The following ERC1 variants were observed in gnomAD, a reference collection of about 807,000 sequenced individuals.
ERC1 encodes RAB6 interacting protein 2.
In ERC1, 56 loss-of-function variants were observed where a neutral mutation model predicts 132.0. That is an observed-to-expected ratio of 0.42 (90% CI 0.34 to 0.53). The LOEUF (loss-of-function observed/expected upper bound fraction) is 0.53, where lower values mean the gene tolerates loss of function less well. ERC1 is among the 20% of genes least tolerant of loss of function. The pLI, the probability that ERC1 is intolerant of heterozygous loss-of-function variation, is 0.03. For synonymous variants in ERC1, 478 were observed against 476.1 expected, an observed-to-expected ratio of 1.00 and a Z score of -0.05; for missense variants, 1,202 against 1,349.9, an observed-to-expected ratio of 0.89 and a Z score of 1.72.
chr12:1,163,537 T>G (rs1281120764), intron 8 of ERC1, among the ~76,000 whole-genome samples: 1 of 152,172 alleles, frequency 6.6e-6, no homozygotes, highest in African/African-American at 2.4e-5. Flanking sequence ...TTATTTTGCT[T>G]ATTTATTTGT....
chr12:1,057,685 TC>T (rs1973249483), intron 2 of ERC1, among the ~76,000 whole-genome samples: 1 of 141,898 alleles, frequency 7.0e-6, no homozygotes, highest in African/African-American at 2.6e-5. Flanking sequence ...AACCTCTGCT[TC>T]CCGGGTTCAA....
In ERC1 at chr12:1,083,259, C is replaced by G. The variant is rs777654403; in HGVS notation, c.765C>G (p.Gly255=). The G allele has an allele frequency of 6.2e-7, 1 of 1,614,136 alleles. No homozygotes were observed. The highest frequency in any genetic ancestry group is 8.5e-7 in the Non-Finnish European group (1 of 1,180,008). ...AGCAGGATAGTAGCAGCAGGACTGG[C>G]GAACCTTGTGTAGCAGAGCTGACAG... is the stretch of plus-strand genomic sequence containing the variant. ...LFQQDSSSRT[G]EPCVAELTEE... is the part of the protein sequence containing the mutation. Residue 255 remains glycine, a synonymous_variant, in exon 3 of 19, where the codon GGC becomes GGG. Coordinates refer to ENST00000360905, the MANE Select transcript of ERC1 (RefSeq NM_178040.4).
chr12:1,222,670 TTTGA>T (rs1290738091), intron 12 of ERC1, among the ~76,000 whole-genome samples: 1 of 152,212 alleles, frequency 6.6e-6, no homozygotes, highest in Non-Finnish European at 1.5e-5. Flanking sequence ...CTTAGTGAAA[TTTGA>T]TTGATAATAT....
intron 12 of ERC1, among the ~76,000 whole-genome samples, chr12:1,215,828 T>C (rs1415380973): frequency 6.6e-6 from 1 of 152,186 alleles, no homozygotes; most frequent in Admixed American, 6.5e-5. Context: ...ATTAAAAATA[T>C]AGGTTATTGT....
At chr12:1,459,554 G>A (rs928909322) in intron 18 of ERC1, among the ~76,000 whole-genome samples, 2 of 152,194 alleles carry the variant, frequency 1.3e-5, no homozygotes, top group Non-Finnish European at 2.9e-5. Flanking sequence ...TAATGTAGAC[G>A]GAATTATGGA....
intron 12 of ERC1, among the ~76,000 whole-genome samples, chr12:1,211,182 C>G (rs11061666): frequency 6.6e-6 from 1 of 152,112 alleles, no homozygotes; most frequent in Non-Finnish European, 1.5e-5. Context: ...GAGTTTCGCT[C>G]TTATTGCCCA....
chr12:1,065,643 T>G (rs1442653723), intron 2 of ERC1, among the ~76,000 whole-genome samples: 2 of 151,984 alleles, frequency 1.3e-5, no homozygotes, highest in Non-Finnish European at 2.9e-5. Context: ...GAGTTTCTTT[T>G]GAGGTGTTGT....
Position 1,183,428 on chromosome 12 carries a change from GA to G in ERC1, c.2157+13del, listed in dbSNP as rs776699164. 2.6e-6 allele frequency: 4 copies of G among 1,548,920 alleles called. No homozygotes were observed. In the African/African-American group the frequency reaches 5.4e-5, roughly 21 times the overall value. Reference sequence around the variant, plus strand: ...GGAATCACAATTGAAAAAGGTTAAAGAAAAAATTTCACATTTTTTTGCTTTG... The same window carrying G: ...GGAATCACAATTGAAAAAGGTTAAAGAAAAATTTCACATTTTTTTGCTTTG... On this transcript the variant is annotated splice_region_variant and intron_variant, in intron 11 of 18. Coordinates refer to ENST00000360905, the MANE Select transcript of ERC1 (RefSeq NM_178040.4).
At chr12:1,253,748 G>A (rs2076611202) in intron 13 of ERC1, among the ~76,000 whole-genome samples, 1 of 152,136 alleles carries the variant, frequency 6.6e-6, no homozygotes, top group South Asian at 2.1e-4. Flanking sequence ...TGACAGAGCT[G>A]ACATCAAGAA....
At chr12:1,452,686 A>G (rs2093450333) in intron 18 of ERC1, among the ~76,000 whole-genome samples, 1 of 152,108 alleles carries the variant, frequency 6.6e-6, no homozygotes, top group Admixed American at 6.6e-5. Context: ...ATTTATATTG[A>G]TCTATACTTA....
intron 17 of ERC1, chr12:1,410,300 G>A (rs1404805678): frequency 6.2e-6 from 3 of 485,114 alleles, no homozygotes; most frequent in Admixed American, 5.2e-5. Flanking sequence ...GCTACATTAT[G>A]CTTATGTCTT....
chr12:1,080,830 C>T (rs1411839897), intron 2 of ERC1, among the ~76,000 whole-genome samples: 1 of 151,768 alleles, frequency 6.6e-6, no homozygotes, highest in Non-Finnish European at 1.5e-5. Context: ...TCCTTAGCCA[C>T]GTGGATCTGT....
intron 8 of ERC1, among the ~76,000 whole-genome samples, chr12:1,143,898 G>A (rs994039187): frequency 1.4e-4 from 21 of 151,688 alleles, no homozygotes; most frequent in Admixed American, 1.0e-3. Context: ...TGCACATGAA[G>A]GCTTGTGATT....
At position 1,434,996 on chromosome 12, in the gene ERC1, A is replaced by G. The variant is rs144321424; in HGVS notation, c.3025-9566A>G. Among the ~76,000 whole-genome samples the G allele has an allele frequency of 4.9e-3, 751 of 152,330 alleles. 10 individuals are homozygous for G. The highest frequency in any genetic ancestry group is 0.017 in the African/African-American group (709 of 41,562). ...TGCATGGGAGGTTTTATTCTCAAATAAAGGAAGTTGGTAGAGAAAGCCGTC... is the reference window on the plus strand; with the variant it reads ...TGCATGGGAGGTTTTATTCTCAAATGAAGGAAGTTGGTAGAGAAAGCCGTC... On this transcript the variant is annotated intron_variant, in intron 17 of 18. Transcript: ENST00000360905.
chr12:1,347,434 G>A (rs1284385999), intron 15 of ERC1, among the ~76,000 whole-genome samples: 1 of 137,750 alleles, frequency 7.3e-6, no homozygotes, highest in African/African-American at 2.6e-5. Context: ...GTTAAATCAA[G>A]CTAATTAACA....
chr12:1,195,568 A>G (rs1334015293), intron 12 of ERC1, among the ~76,000 whole-genome samples: 2 of 152,208 alleles, frequency 1.3e-5, no homozygotes, highest in Non-Finnish European at 2.9e-5. Flanking sequence ...TGATTTTCTT[A>G]TAAGACAGAC....
At chr12:1,415,763 G>A (rs957142142) in intron 17 of ERC1, among the ~76,000 whole-genome samples, 2 of 152,146 alleles carry the variant, frequency 1.3e-5, no homozygotes, top group Non-Finnish European at 2.9e-5. Context: ...GGAAGAATTC[G>A]ATCCTCTATT....
chr12:1,115,027 CTT>C (rs1032238718), intron 6 of ERC1, among the ~76,000 whole-genome samples: 7 of 152,066 alleles, frequency 4.6e-5, no homozygotes, highest in Admixed American at 3.9e-4. Context: ...GAAAAGATAA[CTT>C]TTTGTTTCAT....
chr12:1,402,144 A>G (rs1231741458), intron 16 of ERC1, among the ~76,000 whole-genome samples: 3 of 152,270 alleles, frequency 2.0e-5, no homozygotes, highest in Admixed American at 1.3e-4. Context: ...CAAAATATTT[A>G]GAACAGGGAA....
Sources: allele counts gnomAD v4.1 joint callset (sites outside exome capture counted in the v4.1 genomes callset), GRCh38; gene constraint gnomAD v4.1.1; transcripts MANE v1.5; gene names NCBI Gene and HGNC (gene_info 2026-07-23, HGNC 2026-07-21).